SPATS2: variants seen among roughly 807,000 people sequenced by gnomAD.
SPATS2 encodes the protein spermatogenesis-associated serine-rich protein 2.
In SPATS2, 38 loss-of-function variants were observed where a neutral mutation model predicts 63.7. The ratio of observed to expected loss-of-function variants is 0.60; its 90% confidence interval spans 0.46 to 0.78. SPATS2 has a LOEUF of 0.78. SPATS2 is among the 30% of genes least tolerant of loss of function. SPATS2 has a pLI of 0.00. For synonymous variants in SPATS2, 207 were observed against 232.9 expected, an observed-to-expected ratio of 0.89 and a Z score of 1.01; for missense variants, 588 against 666.2, an observed-to-expected ratio of 0.88 and a Z score of 1.29.
chr12:49,369,159 C>T (rs1259058057), intron 1 of SPATS2, among the ~76,000 whole-genome samples: 1 of 150,716 alleles, frequency 6.6e-6, no homozygotes, highest in Non-Finnish European at 1.5e-5. Context: ...TCCCAAGTAG[C>T]TGGAATTACA....
At chr12:49,500,272 C>T (rs1946542807) in intron 9 of SPATS2, 67 bp downstream of exon 9, 3 of 1,477,562 alleles carry the variant, frequency 2.0e-6, no homozygotes, top group African/African-American at 1.4e-5. Context: ...AGATGGTCAG[C>T]CATTCCCCAA....
rs371240702 is a variant in SPATS2, at chr12:49,482,592, A to G, written c.26-1998A>G. 4.6e-4 allele frequency among the ~76,000 whole-genome samples: 70 copies of G among 152,294 alleles called. No individual in the cohort carries two copies. The South Asian group carries it at 0.012, about 26-fold the overall frequency. On this transcript the variant is annotated intron_variant, in intron 3 of 13. Coordinates refer to ENST00000552918, the MANE Select transcript of SPATS2 (RefSeq NM_023071.4). ...TGGGTGGTTTCCCTACTCTTTGCTA[A>G]CACCTTTGAAAATACTCCTATTATT...
At chr12:49,423,929 G>A (rs759469158) in intron 2 of SPATS2, among the ~76,000 whole-genome samples, 3 of 152,054 alleles carry the variant, frequency 2.0e-5, no homozygotes, top group Non-Finnish European at 4.4e-5. Context: ...CAGACCAGGC[G>A]CAGTGGCTCA....
chr12:49,405,962 T>A (rs1247747895), intron 2 of SPATS2, among the ~76,000 whole-genome samples: 1 of 152,158 alleles, frequency 6.6e-6, no homozygotes, highest in Non-Finnish European at 1.5e-5. Flanking sequence ...GAAAATTACA[T>A]TAAATGTAAC....
chr12:49,440,766 C>T (rs1168869859), intron 2 of SPATS2, among the ~76,000 whole-genome samples: 8 of 152,216 alleles, frequency 5.3e-5, no homozygotes, highest in African/African-American at 1.9e-4. Context: ...TGTGCCTGGC[C>T]AATATTTTTT....
chr12:49,397,609 C>T lies in SPATS2; in HGVS notation c.-244+26319C>T, dbSNP rs897000736. On this transcript the variant is annotated intron_variant, in intron 2 of 13. Coordinates refer to ENST00000552918, the MANE Select transcript of SPATS2 (RefSeq NM_023071.4). ...TTGGCAGGCTAAGATGGGAGGATCG[C>T]TTAAGGCCAGGAGTTTGAGACCAAC... Among the ~76,000 whole-genome samples the T allele has an allele frequency of 2.6e-5, 4 of 151,938 alleles. No homozygotes were observed. The East Asian group carries it at 7.7e-4, about 29-fold the overall frequency.
intron 3 of SPATS2, among the ~76,000 whole-genome samples, chr12:49,473,595 A>T (rs1256338949): frequency 6.6e-6 from 1 of 152,234 alleles, no homozygotes; most frequent in African/African-American, 2.4e-5. Flanking sequence ...TAACACTTGT[A>T]CAAGAATATT....
chr12:49,467,718 AG>A (rs1476696387), intron 3 of SPATS2, among the ~76,000 whole-genome samples: 1 of 151,268 alleles, frequency 6.6e-6, no homozygotes, highest in Admixed American at 6.6e-5. Flanking sequence ...TTTTTTTTTG[AG>A]ACGGAGTCTC....
chr12:49,414,807 C>T (rs1298810310), intron 2 of SPATS2, among the ~76,000 whole-genome samples: 2 of 152,058 alleles, frequency 1.3e-5, no homozygotes, highest in Non-Finnish European at 2.9e-5. Context: ...CTATGTTGCC[C>T]AGGCTGGTCT....
At chr12:49,413,223 G>A (rs1300515285) in intron 2 of SPATS2, among the ~76,000 whole-genome samples, 1 of 151,998 alleles carries the variant, frequency 6.6e-6, no homozygotes, top group African/African-American at 2.4e-5. Flanking sequence ...GAGATATGTT[G>A]ATGGCTTCCT....
At chr12:49,411,402 G>A (rs1321293006) in intron 2 of SPATS2, among the ~76,000 whole-genome samples, 1 of 152,046 alleles carries the variant, frequency 6.6e-6, no homozygotes, top group Non-Finnish European at 1.5e-5. Flanking sequence ...GAGACTATGT[G>A]AAGAGACTTG....
chr12:49,487,161 C>G (rs937011009), intron 4 of SPATS2, among the ~76,000 whole-genome samples: 10 of 152,044 alleles, frequency 6.6e-5, no homozygotes, highest in Admixed American at 3.9e-4. Flanking sequence ...AAATGTATCT[C>G]TCTAAACCCA....
At chr12:49,482,786 CTTTGTTTTTTG>C (rs1946227682) in intron 3 of SPATS2, among the ~76,000 whole-genome samples, 1 of 151,888 alleles carries the variant, frequency 6.6e-6, no homozygotes, top group Non-Finnish European at 1.5e-5. Context: ...CAGAACTACC[CTTTGTTTTTTG>C]TTTGTTTTTT....
At chr12:49,434,393 A>G (rs2137500273) in intron 2 of SPATS2, among the ~76,000 whole-genome samples, 1 of 152,308 alleles carries the variant, frequency 6.6e-6, no homozygotes, top group East Asian at 1.9e-4. Context: ...TGTCTAACCC[A>G]AAACTTATCA....
chr12:49,430,866 A>G (rs1945173026), intron 2 of SPATS2, among the ~76,000 whole-genome samples: 1 of 151,866 alleles, frequency 6.6e-6, no homozygotes, highest in African/African-American at 2.4e-5. Flanking sequence ...CACCTGGCTA[A>G]TTTTTGTATT....
intron 2 of SPATS2, among the ~76,000 whole-genome samples, chr12:49,392,231 A>G (rs1592353256): frequency 6.7e-6 from 1 of 148,962 alleles, no homozygotes; most frequent in South Asian, 2.1e-4. Flanking sequence ...ACACTTTTCC[A>G]TCCTATTTTT....
chr12:49,416,268 AT>A (rs969397196), intron 2 of SPATS2, among the ~76,000 whole-genome samples: 3 of 151,940 alleles, frequency 2.0e-5, no homozygotes. Flanking sequence ...AGCGTCTCTT[AT>A]GCAGTTGGAG....
chr12:49,367,230 GCGCGCCGGATT>G (rs886994929), upstream of SPATS2: 116 of 243,058 alleles, frequency 4.8e-4, 1 homozygote, highest in Non-Finnish European at 8.3e-4. Context: ...CTCGAGCTTG[GCGCGCCGGATT>G]CGCGCCGGCG....
chr12:49,455,926 T>C (rs1945711560), intron 2 of SPATS2, among the ~76,000 whole-genome samples: 2 of 152,178 alleles, frequency 1.3e-5, no homozygotes, highest in African/African-American at 2.4e-5. Context: ...CCAGGTCCCT[T>C]AGTCTTGTTT....
Sources: gnomAD v4.1 joint callset for allele counts (sites outside exome capture counted in the v4.1 genomes callset) on GRCh38, gnomAD v4.1.1 for gene constraint, MANE v1.5 for transcripts, NCBI Gene and HGNC (gene_info 2026-07-23, HGNC 2026-07-21) for gene names.